The following NCOR1 variants were observed in gnomAD, a reference collection of about 807,000 sequenced individuals.
The protein encoded by NCOR1 is nuclear receptor corepressor 1.
In NCOR1, 63 loss-of-function variants were observed where a neutral mutation model predicts 288.1. The observed-to-expected ratio is 0.22, with a 90% CI of 0.18 to 0.27. The LOEUF (loss-of-function observed/expected upper bound fraction) is 0.27. NCOR1 is among the 10% of genes least tolerant of loss of function. The pLI is 1.00. For missense variants in NCOR1, 2,397 were observed against 3,019.2 expected, an observed-to-expected ratio of 0.79 and a Z score of 4.83; for synonymous variants, 1,007 against 1,065.9, an observed-to-expected ratio of 0.94 and a Z score of 1.08.
intron 37 of NCOR1, among the ~76,000 whole-genome samples, chr17:16,059,942 G>C (rs1481689356): frequency 5.3e-5 from 8 of 152,298 alleles, no homozygotes; most frequent in Admixed American, 3.9e-4. Context: ...TATATTCTAA[G>C]AAGTTTACAG....
intron 14 of NCOR1, among the ~76,000 whole-genome samples, chr17:16,135,158 C>CAAAAAAAAAAA (rs577308243): frequency 2.8e-5 from 1 of 35,890 alleles, no homozygotes; most frequent in Non-Finnish European, 6.3e-5. Context: ...GACTCCATCT[C>CAAAAAAAAAAA]AAAAAAAAAA....
intron 3 of NCOR1, among the ~76,000 whole-genome samples, chr17:16,178,990 G>A (rs1178754992): frequency 6.6e-6 from 1 of 151,952 alleles, no homozygotes; most frequent in Non-Finnish European, 1.5e-5. Flanking sequence ...TGCAGTTCCA[G>A]CTAATCGGAG....
chr17:16,120,848 T>TA (rs1455471561), intron 16 of NCOR1, among the ~76,000 whole-genome samples: 1 of 152,060 alleles, frequency 6.6e-6, no homozygotes, highest in Non-Finnish European at 1.5e-5. Context: ...AACAACTAAA[T>TA]AAAAAACAGC....
intron 23 of NCOR1, among the ~76,000 whole-genome samples, chr17:16,085,873 AG>A (rs1350853451): frequency 6.6e-6 from 1 of 152,248 alleles, no homozygotes; most frequent in Non-Finnish European, 1.5e-5. Context: ...ACCAGAAAAA[AG>A]ATTTAGTGGC....
chr17:16,140,758 G>A (rs1456364234), intron 11 of NCOR1, among the ~76,000 whole-genome samples: 2 of 152,166 alleles, frequency 1.3e-5, no homozygotes, highest in Non-Finnish European at 2.9e-5. Flanking sequence ...AGGTTGCAGT[G>A]AGCCAAGATC....
At chr17:16,124,939 C>T (rs2073738035) in intron 15 of NCOR1, among the ~76,000 whole-genome samples, 1 of 152,202 alleles carries the variant, frequency 6.6e-6, no homozygotes, top group Non-Finnish European at 1.5e-5. Flanking sequence ...GTATATATTA[C>T]TATAACCCAT....
chr17:16,035,003 T>C (rs1182677076), intron 44 of NCOR1, 59 bp from the exon 45 acceptor site: 34 of 1,510,548 alleles, frequency 2.3e-5, no homozygotes, highest in Non-Finnish European at 3.0e-5. Context: ...ATTACCAAAA[T>C]GCTAATGATT....
In NCOR1 at chr17:16,127,632, T is replaced by C. The variant is rs546722406; in HGVS notation, c.1510-1426A>G. 2.1e-3 allele frequency among the ~76,000 whole-genome samples: 296 copies of C among 142,146 alleles called. 3 individuals are homozygous for C. Among genetic ancestry groups the C allele is most frequent in the African/African-American group, 7.5e-3 (276 of 36,876 alleles). The allele number at this position is 142,146 out of a possible 152,430, so 93.3% of individuals were successfully genotyped here. ...ATATGTGTATGTGTATATATACATA[T>C]ATGTATATATGTGTATGTGTATATA... is the stretch of plus-strand genomic sequence containing the variant. On this transcript the variant is annotated intron_variant, in intron 14 of 45. Coordinates refer to ENST00000268712, the MANE Select transcript of NCOR1 (RefSeq NM_006311.4).
chr17:16,141,767 C>T (rs991824770), intron 11 of NCOR1, among the ~76,000 whole-genome samples: 1 of 152,048 alleles, frequency 6.6e-6, no homozygotes, highest in Non-Finnish European at 1.5e-5. Context: ...GAAAGTTTGG[C>T]ACATAATAGG....
At position 16,158,122 on chromosome 17, in the gene NCOR1, C is replaced by T. The variant is rs541198209; in HGVS notation, c.732+638G>A. Among the ~76,000 whole-genome samples the T allele has an allele frequency of 4.6e-5, 7 of 152,164 alleles. No individual in the cohort carries two copies. In the East Asian group the frequency reaches 5.8e-4, roughly 13 times the overall value. On this transcript the variant is annotated intron_variant, in intron 6 of 45. Coordinates refer to ENST00000268712, the MANE Select transcript of NCOR1 (RefSeq NM_006311.4). ...TCGAGTAGCTGGGACTACAGGCATG[C>T]GCCACCACGCCTGGCTAATTTTTGC...
chr17:16,155,153 A>G, intron 6 of NCOR1, among the ~76,000 whole-genome samples: 1 of 152,066 alleles, frequency 6.6e-6, no homozygotes, highest in South Asian at 2.1e-4. Context: ...GGAGTTCAAG[A>G]CCAGCCTGCT....
At chr17:16,200,125 C>T (rs1217833498) in intron 1 of NCOR1, among the ~76,000 whole-genome samples, 1 of 151,990 alleles carries the variant, frequency 6.6e-6, no homozygotes, top group Non-Finnish European at 1.5e-5. Context: ...GGCTTTTGGC[C>T]CACAATTTTT....
chr17:16,190,098 T>C (rs2087801753), intron 2 of NCOR1, among the ~76,000 whole-genome samples: 2 of 152,010 alleles, frequency 1.3e-5, no homozygotes, highest in African/African-American at 2.4e-5. Flanking sequence ...GGCATGGTGG[T>C]TCAAACCTAT....
At chr17:16,129,439 C>G (rs2075268344) in intron 14 of NCOR1, among the ~76,000 whole-genome samples, 1 of 152,226 alleles carries the variant, frequency 6.6e-6, no homozygotes, top group African/African-American at 2.4e-5. Context: ...ATCTGACCTT[C>G]CTAACTTCTC....
chr17:16,134,888 C>T (rs1020502634), intron 14 of NCOR1, among the ~76,000 whole-genome samples: 3 of 152,084 alleles, frequency 2.0e-5, no homozygotes, highest in Admixed American at 1.3e-4. Context: ...GGCCGGGCGC[C>T]GTGGCTCATG....
intron 37 of NCOR1, among the ~76,000 whole-genome samples, 167 bp from the exon 38 acceptor site, chr17:16,058,766 G>A (rs2060214676): frequency 6.6e-6 from 1 of 152,034 alleles, no homozygotes. Flanking sequence ...CATGTTTTAG[G>A]CTGGGTGCAG....
chr17:16,144,012 G>C (rs956793796), intron 10 of NCOR1, among the ~76,000 whole-genome samples: 2 of 152,074 alleles, frequency 1.3e-5, no homozygotes, highest in East Asian at 3.8e-4. Flanking sequence ...CCCTGTAGTA[G>C]ACTTAGAAAA....
rs191116226 is a variant in NCOR1 at position 16,057,249 on chromosome 17, C to G, written c.6392+265G>C. ...GAAGTGTCCCCAAACCACTACCAAA[C>G]TACACATTCTTCTTAACTGTCTTTA... On this transcript the variant is annotated intron_variant, in intron 40 of 45. Transcript: ENST00000268712. 451 of 434,960 alleles carry G rather than the reference C, an allele frequency of 1.0e-3. 2 individuals carry two copies. Among genetic ancestry groups the G allele is most frequent in the Non-Finnish European group, 4.6e-4 (110 of 237,786 alleles). The allele number at this position is 434,960 out of a possible 1,614,324, so 26.9% of individuals were successfully genotyped here. A position where few individuals can be genotyped will look rare whatever the true frequency, so the allele number is the denominator to read the frequency against.
intron 14 of NCOR1, among the ~76,000 whole-genome samples, chr17:16,129,906 C>T (rs774120500): frequency 3.9e-5 from 6 of 152,220 alleles, no homozygotes; most frequent in African/African-American, 1.2e-4. Flanking sequence ...AGTAATCCCA[C>T]GCATTCCCTG....
Sources: allele counts gnomAD v4.1 joint callset (sites outside exome capture counted in the v4.1 genomes callset), GRCh38; gene constraint gnomAD v4.1.1; transcripts MANE v1.5; gene names NCBI Gene and HGNC (gene_info 2026-07-23, HGNC 2026-07-21).